SIAH1: variants seen among roughly 807,000 people sequenced by gnomAD.
SIAH1 encodes siah E3 ubiquitin protein ligase 1.
Under a neutral mutation model 20.0 loss-of-function variants are expected in SIAH1, and 2 were observed. That is an observed-to-expected ratio of 0.10 (90% CI 0.04 to 0.31). The LOEUF is 0.31. Ranked by LOEUF, SIAH1 falls within the 10% of genes least tolerant of loss-of-function variation. The pLI, the probability that SIAH1 is intolerant of heterozygous loss-of-function variation, is 1.00. For synonymous variants in SIAH1, 118 were observed against 125.3 expected (o/e 0.94, Z 0.39); for missense variants, 119 against 355.3 (o/e 0.33, Z 5.35).
chr16:48,385,149 G>A (rs1961418884), intron 1 of SIAH1, 55 bp downstream of exon 1: 4 of 207,110 alleles, frequency 1.9e-5, no homozygotes, highest in African/African-American at 4.7e-5. Flanking sequence ...CTGGGCGCCC[G>A]CCTGTCGGAG....
At chr16:48,382,945 C>T (rs1051721885) in intron 1 of SIAH1, among the ~76,000 whole-genome samples, 3 of 152,184 alleles carry the variant, frequency 2.0e-5, no homozygotes, top group Admixed American at 6.5e-5. Flanking sequence ...TCATTACTGA[C>T]ATAGCTAGAT....
At chr16:48,385,686 A>G (rs760041819), upstream of SIAH1, among the ~76,000 whole-genome samples, 1 of 152,014 alleles carries the variant, frequency 6.6e-6, no homozygotes, top group East Asian at 1.9e-4. Context: ...GCGAGAAGCT[A>G]GCGCTTGCCC....
rs1250027621 is a variant in SIAH1 at position 48,360,670 on chromosome 16, T to C, written c.*910A>G. 6.6e-6 allele frequency: 1 copy of C among 152,536 alleles called. No individual in the cohort carries two copies. The highest frequency in any genetic ancestry group is 1.5e-5 in the Non-Finnish European group (1 of 67,992). 9.4% of individuals were successfully genotyped at this position (152,536 alleles called of 1,614,324 possible). ...ACGATGCCTTCTTCTGCAAAACCAA[T>C]AAATACAAGAACAAATTTTAAAATA... On this transcript the variant is annotated 3_prime_UTR_variant, in exon 2 of 2. Transcript: ENST00000394725.
chr16:48,362,049 G>A lies in SIAH1; in HGVS notation c.380C>T (p.Ser127Phe). 1 of 1,614,154 alleles carries A rather than the reference G, an allele frequency of 6.2e-7. No individual in the cohort carries two copies. The highest frequency in any genetic ancestry group is 8.5e-7 in the Non-Finnish European group (1 of 1,180,022). Residue 127 changes from serine to phenylalanine, a missense_variant, in exon 2 of 2, where the codon TCC becomes TTC. Ser to Phe is a radical substitution (Grantham distance 155, BLOSUM62 -2). Around this residue, in one of 2 missense-constraint regions of SIAH1, gnomAD observed 84 missense variants for 307.8 expected, o/e 0.27. Transcript: ENST00000394725. This position sits in a 1 kb window ranked among gnomAD's most constrained non-coding sequence, Gnocchi z 4.2. ...ACAGGAAGCACCAGGGCACGGACAG[G>A]AATAAGGCCTAAACTCACAGAGCTC... is the stretch of plus-strand genomic sequence containing the variant. ...HEELCEFRPY[S>F]CPCPGASCKW...
chr16:48,366,244 G>GT (rs1430925653), intron 1 of SIAH1, among the ~76,000 whole-genome samples: 6 of 152,328 alleles, frequency 3.9e-5, no homozygotes, highest in Admixed American at 2.0e-4. Flanking sequence ...GAGCTACAGC[G>GT]TATCTGGGAA....
chr16:48,365,668 C>T, intron 1 of SIAH1: 2 of 1,431,218 alleles, frequency 1.4e-6, no homozygotes, highest in Non-Finnish European at 1.8e-6. Flanking sequence ...GAGGCAACCA[C>T]ACCTCCCTGT....
upstream of SIAH1, among the ~76,000 whole-genome samples, chr16:48,385,931 C>A (rs1961453284): frequency 6.6e-6 from 1 of 152,180 alleles, no homozygotes; most frequent in Non-Finnish European, 1.5e-5. Context: ...CGGGACCCCA[C>A]CCCTAAAGAG....
rs2151043182 is a variant in SIAH1, at chr16:48,361,155, G to A, written c.*425C>T. ...CAGCACTATGTATTGACTCACAAAG[G>A]GAAAAGCAGTGGCCCATGACCACTC... is the stretch of plus-strand genomic sequence containing the variant. On this transcript the variant is annotated 3_prime_UTR_variant, in exon 2 of 2. Coordinates refer to ENST00000394725, the MANE Select transcript of SIAH1 (RefSeq NM_003031.4). The A allele has an allele frequency of 6.0e-6, 1 of 167,660 alleles. No individual in the cohort carries two copies. Among genetic ancestry groups the A allele is most frequent in the African/African-American group, 2.4e-5 (1 of 41,574 alleles). 10.4% of individuals were successfully genotyped at this position (167,660 alleles called of 1,614,324 possible).
intron 1 of SIAH1, chr16:48,365,240 A>G: frequency 1.2e-6 from 1 of 806,986 alleles, no homozygotes; most frequent in South Asian, 1.8e-5. Context: ...TAAACAGAAA[A>G]AAGAACAGCA....
chr16:48,365,279 G>A (rs1011746570), intron 1 of SIAH1: 7 of 1,150,872 alleles, frequency 6.1e-6, no homozygotes, highest in African/African-American at 1.5e-5. Context: ...TGAGAACCTC[G>A]GAAACGTCTC....
chr16:48,384,809 C>T (rs1390788125), intron 1 of SIAH1, among the ~76,000 whole-genome samples: 3 of 150,204 alleles, frequency 2.0e-5, no homozygotes, highest in Non-Finnish European at 3.0e-5. Context: ...CCGGGACCCT[C>T]CACAACAAAG....
intron 1 of SIAH1, among the ~76,000 whole-genome samples, chr16:48,366,750 G>A (rs1038137698): frequency 2.6e-5 from 4 of 152,152 alleles, no homozygotes; most frequent in Non-Finnish European, 4.4e-5. Context: ...AGGAATTGCA[G>A]ATTACCCACT....
At position 48,362,421 on chromosome 16, in the gene SIAH1, C is replaced by T. The variant is rs765608115; in HGVS notation, c.8G>A (p.Arg3His). ...GGTAGGTAATGCTGTAGCAGTCTGA[C>T]GGCTCATTTCTGAAATAAATACATA... MS[R>H]QTATALPTGT... Residue 3 changes from arginine (R) to histidine (H), a missense_variant, in exon 2 of 2, where the codon CGT becomes CAT. Transcript: ENST00000394725. The surrounding 1 kb of genome is among the most constrained non-coding windows in gnomAD (Gnocchi z 4.2). 2.5e-6 allele frequency: 4 copies of T among 1,613,948 alleles called. No individual in the cohort carries two copies. The highest frequency in any genetic ancestry group is 1.1e-5 in the South Asian group (1 of 91,036).
In SIAH1 at chr16:48,362,762, C is replaced by G. The variant is rs75690258; in HGVS notation, c.-2-332G>C. The G allele has an allele frequency of 1.1e-3, 263 of 232,092 alleles. 4 individuals are homozygous for G. In the East Asian group the frequency reaches 0.031, roughly 28 times the overall value. The allele number at this position is 232,092 out of a possible 1,614,324, so 14.4% of individuals were successfully genotyped here. A position where few individuals can be genotyped will look rare whatever the true frequency, so the allele number is the denominator to read the frequency against. On this transcript the variant is annotated intron_variant, in intron 1 of 1. Transcript: ENST00000394725. This position sits in a 1 kb window ranked among gnomAD's most constrained non-coding sequence, Gnocchi z 4.2. ...ACAACTAAAGAAACTATACAAGGAA[C>G]TGAAGTTTAATCGAATCCGTTTTGC...
intron 1 of SIAH1, among the ~76,000 whole-genome samples, chr16:48,370,870 T>G (rs1240413826): frequency 6.6e-6 from 1 of 151,414 alleles, no homozygotes; most frequent in Non-Finnish European, 1.5e-5. Context: ...CCAACAACTT[T>G]GGGAAGCCAA....
At chr16:48,366,308 T>C (rs964735052) in intron 1 of SIAH1, among the ~76,000 whole-genome samples, 2 of 152,186 alleles carry the variant, frequency 1.3e-5, no homozygotes, top group Non-Finnish European at 2.9e-5. Context: ...ACTCTAAATT[T>C]TTAGAGTGAA....
intron 1 of SIAH1, chr16:48,365,837 G>A (rs1340095816): frequency 4.8e-6 from 6 of 1,249,120 alleles, no homozygotes; most frequent in Non-Finnish European, 5.0e-6. Flanking sequence ...AGGGGGCGAC[G>A]CGCTGGCTGA....
chr16:48,384,401 A>C (rs1961383664), intron 1 of SIAH1, among the ~76,000 whole-genome samples: 1 of 152,074 alleles, frequency 6.6e-6, no homozygotes, highest in South Asian at 2.1e-4. Flanking sequence ...TACGCATCGG[A>C]GTGGCCCAGG....
rs113978370 is a variant in SIAH1 at position 48,377,632 on chromosome 16, T to C, written c.-3+7572A>G. ...CTAGTCTTGAACTCCTGACCTCAAG[T>C]GATCCACCAGCCTCGGCCTCCCCAA... is the stretch of plus-strand genomic sequence containing the variant. On this transcript the variant is annotated intron_variant, in intron 1 of 1. Transcript: ENST00000394725. Among the ~76,000 whole-genome samples, 1,263 of 152,098 alleles carry C rather than the reference T, an allele frequency of 8.3e-3. 17 individuals are homozygous for C. Among genetic ancestry groups the C allele is most frequent in the African/African-American group, 0.028 (1,158 of 41,504 alleles).
Sources: gnomAD v4.1 joint callset for allele counts (sites outside exome capture counted in the v4.1 genomes callset) on GRCh38, gnomAD v4.1.1 for gene constraint, gnomAD v4.1.1 regional missense constraint, Gnocchi (gnomAD v3.1) non-coding constraint, MANE v1.5 for transcripts, NCBI Gene and HGNC (gene_info 2026-07-23, HGNC 2026-07-21) for gene names.